The following ARNT2 variants were observed in gnomAD, a reference collection of about 807,000 sequenced individuals.
ARNT2 encodes the protein aryl hydrocarbon receptor nuclear translocator 2.
In ARNT2, 36 loss-of-function variants were observed where a neutral mutation model predicts 91.7. The ratio of observed to expected loss-of-function variants is 0.39; its 90% CI spans 0.30 to 0.52. The LOEUF is 0.52. Ranked by LOEUF, ARNT2 falls within the 20% of genes least tolerant of loss-of-function variation. The probability of loss-of-function intolerance (pLI) is 0.72; values close to 1 mark genes in which losing one functional copy is unlikely to be tolerated. For missense variants in ARNT2, 775 were observed against 939.3 expected, an observed-to-expected ratio of 0.83 and a Z score of 2.29; for synonymous variants, 365 against 347.1, an observed-to-expected ratio of 1.05 and a Z score of -0.57.
At chr15:80,575,148 G>T in intron 14 of ARNT2, 38 bp downstream of exon 14, 3 of 1,604,116 alleles carry the variant, frequency 1.9e-6, no homozygotes, top group Non-Finnish European at 2.6e-6. Flanking sequence ...TGAGAGTGTG[G>T]GTTTACAGTT....
At chr15:80,575,755 C>T (rs960233809) in intron 14 of ARNT2, among the ~76,000 whole-genome samples, 1 of 152,124 alleles carries the variant, frequency 6.6e-6, no homozygotes, top group Non-Finnish European at 1.5e-5. Flanking sequence ...CCTAGTGGAA[C>T]GTCAAGGCAC....
In ARNT2 at chr15:80,460,895, GGA is replaced by G. The variant is rs1035267933; in HGVS notation, c.194+2925_194+2926del. Among the ~76,000 whole-genome samples the G allele has an allele frequency of 4.6e-5, 7 of 152,316 alleles. 1 individual carries two copies. Reference sequence around the variant, plus strand: ...GGGGAGAGATGGGTCCAGAGGAGGAGGAGAGAGCTCTGCCCCACAGAAGGGAG... The same window carrying G: ...GGGGAGAGATGGGTCCAGAGGAGGAGGAGAGCTCTGCCCCACAGAAGGGAG... On this transcript the variant is annotated intron_variant, in intron 3 of 18. Transcript: ENST00000303329.
At chr15:80,456,835 G>A (rs1896488297) in intron 2 of ARNT2, among the ~76,000 whole-genome samples, 1 of 151,962 alleles carries the variant, frequency 6.6e-6, no homozygotes, top group Non-Finnish European at 1.5e-5. Context: ...ACTCCATTCT[G>A]ATACTGAGCT....
intron 13 of ARNT2, among the ~76,000 whole-genome samples, chr15:80,574,634 C>T (rs1483559214): frequency 6.6e-6 from 1 of 152,196 alleles, no homozygotes; most frequent in South Asian, 2.1e-4. Context: ...TCTGAGCCTC[C>T]CTCTTCACCG....
At chr15:80,488,702 C>G (rs1011137717) in intron 5 of ARNT2, 10 of 152,028 alleles carry the variant, frequency 6.6e-5, no homozygotes, top group African/African-American at 2.4e-4. Context: ...CCAACAAACC[C>G]CACGCATAAA....
At chr15:80,485,232 G>A (rs1314874711) in intron 5 of ARNT2, among the ~76,000 whole-genome samples, 1 of 152,192 alleles carries the variant, frequency 6.6e-6, no homozygotes, top group African/African-American at 2.4e-5. Flanking sequence ...CCTGATCTTT[G>A]TTAGTTTTGC....
chr15:80,455,106 T>C (rs781209597), intron 2 of ARNT2, among the ~76,000 whole-genome samples: 27 of 152,294 alleles, frequency 1.8e-4, no homozygotes, highest in Non-Finnish European at 3.1e-4. Flanking sequence ...GCACAGCTTA[T>C]GGTAGTCCTA....
rs115970153 is a variant in ARNT2, at chr15:80,567,315, A to C, written c.1316+4076A>C. The stretch of plus-strand genomic sequence containing the variant: ...TCTGCTTAGCATCTGTTCAAGACAT[A>C]GCTTTAAATGCCAGCCTGGATCTGC... On this transcript the variant is annotated intron_variant, in intron 12 of 18. Coordinates refer to ENST00000303329, the MANE Select transcript of ARNT2 (RefSeq NM_014862.4). Among the ~76,000 whole-genome samples the C allele has an allele frequency of 6.8e-3, 927 of 135,584 alleles. 14 individuals are homozygous for C. The highest frequency in any genetic ancestry group is 0.032 in the African/African-American group (874 of 27,450). 88.9% of individuals were successfully genotyped at this position (135,584 alleles called of 152,430 possible).
intron 1 of ARNT2, among the ~76,000 whole-genome samples, chr15:80,424,433 C>T (rs535317162): frequency 1.3e-5 from 2 of 152,292 alleles, no homozygotes; most frequent in East Asian, 1.9e-4. Flanking sequence ...AAGATGTCCT[C>T]ATCCAAGATG....
chr15:80,438,955 T>C (rs989020893), intron 1 of ARNT2, among the ~76,000 whole-genome samples: 4 of 152,200 alleles, frequency 2.6e-5, no homozygotes, highest in African/African-American at 9.6e-5. Flanking sequence ...TCCCAAAGTG[T>C]TGTCTCTTAA....
At chr15:80,581,116 GGTCATGGGGAGTCACT>G in intron 16 of ARNT2, 107 bp from the exon 17 acceptor site, 1 of 1,191,408 alleles carries the variant, frequency 8.4e-7, no homozygotes, top group Admixed American at 1.9e-5. Context: ...CAGACAAGAG[GGTCATGGGGAGTCACT>G]GTCAACCCAG....
chr15:80,495,730 G>A (rs60661936), intron 5 of ARNT2, among the ~76,000 whole-genome samples: 3 of 152,152 alleles, frequency 2.0e-5, no homozygotes, highest in African/African-American at 7.2e-5. Flanking sequence ...TTGGGCCCCA[G>A]CCCACCTCTC....
At position 80,591,565 on chromosome 15, in the gene ARNT2, C is replaced by T; in HGVS notation, c.1919-3C>T. 1 of 1,614,150 alleles carries T rather than the reference C, an allele frequency of 6.2e-7. No homozygotes were observed. Reference sequence around the variant, plus strand: ...GAAGTGTCCTGTGTGTCGAATCTTTCAGCTGAAAGTGGACAAAGTAGCGGG... The same window carrying T: ...GAAGTGTCCTGTGTGTCGAATCTTTTAGCTGAAAGTGGACAAAGTAGCGGG... On this transcript the variant is annotated splice_polypyrimidine_tract_variant and splice_region_variant and intron_variant, in intron 17 of 18. Transcript: ENST00000303329. This position sits in a 1 kb window ranked among gnomAD's most constrained non-coding sequence, Gnocchi z 5.1.
At chr15:80,481,378 C>T (rs1206150029) in intron 5 of ARNT2, among the ~76,000 whole-genome samples, 3 of 152,166 alleles carry the variant, frequency 2.0e-5, no homozygotes, top group Admixed American at 6.5e-5. Context: ...GAGAGGACGT[C>T]TGTGGGACAC....
intron 1 of ARNT2, among the ~76,000 whole-genome samples, chr15:80,440,295 G>A (rs1896168556): frequency 6.6e-6 from 1 of 152,194 alleles, no homozygotes; most frequent in Non-Finnish European, 1.5e-5. Flanking sequence ...ACAGAGTGGG[G>A]CAGGTTGAAT....
At chr15:80,453,963 C>T (rs8027934) in intron 2 of ARNT2, among the ~76,000 whole-genome samples, 134,964 of 152,206 alleles carry the variant, frequency 0.89, 59,924 homozygotes, top group East Asian at 1. Context: ...TGTTCCAAAG[C>T]CAATTAGAAC....
At chr15:80,518,140 A>C (rs1897471908) in intron 8 of ARNT2, among the ~76,000 whole-genome samples, 1 of 151,910 alleles carries the variant, frequency 6.6e-6, no homozygotes, top group African/African-American at 2.4e-5. Flanking sequence ...TTTTATATTA[A>C]TGTTCCTAGG....
At chr15:80,457,821 A>G (rs912543878) in intron 2 of ARNT2, 108 bp from the exon 3 acceptor site, 1 of 1,207,562 alleles carries the variant, frequency 8.3e-7, no homozygotes, top group Non-Finnish European at 1.2e-6. Flanking sequence ...GTTGGGATCA[A>G]TGGATAGCAG....
rs186548199 is a variant in ARNT2, at chr15:80,404,427, G to T, written c.-89G>T. On this transcript the variant is annotated 5_prime_UTR_variant, in exon 1 of 19. Transcript: ENST00000303329. This position sits in a 1 kb window ranked among gnomAD's most constrained non-coding sequence, Gnocchi z 5.5. ...TTTGTGTGGCGGCGGCGGCGCCTGG[G>T]CCTGACCGGGTCCCCGGGGCTGAGC... 46,037 of 917,126 alleles carry T rather than the reference G, an allele frequency of 0.05. 1,382 individuals are homozygous for T. The highest frequency in any genetic ancestry group is 0.11 in the East Asian group (1,298 of 11,710). 56.8% of individuals were successfully genotyped at this position (917,126 alleles called of 1,614,324 possible).
Sources: allele counts gnomAD v4.1 joint callset (sites outside exome capture counted in the v4.1 genomes callset), GRCh38; gene constraint gnomAD v4.1.1; non-coding constraint Gnocchi (gnomAD v3.1); transcripts MANE v1.5; gene names NCBI Gene and HGNC (gene_info 2026-07-23, HGNC 2026-07-21).